Variants in RPS6KA5 observed in about 807,000 individuals in gnomAD.
RPS6KA5 encodes ribosomal protein S6 kinase A5, also known as ribosomal protein S6 kinase alpha-5.
Under a neutral mutation model 85.5 loss-of-function variants are expected in RPS6KA5, and 27 were observed. The ratio of observed to expected loss-of-function variants is 0.32; its 90% CI spans 0.23 to 0.44. The LOEUF is 0.44. Among genes scored for constraint, RPS6KA5 ranks in the 20% least tolerant of loss-of-function variants. The pLI, the probability that RPS6KA5 is intolerant of heterozygous loss-of-function variation, is 1.00. For synonymous variants in RPS6KA5, 334 were observed against 348.2 expected, an observed-to-expected ratio of 0.96 and a Z score of 0.46; for missense variants, 811 against 980.9, an observed-to-expected ratio of 0.83 and a Z score of 2.31.
At position 90,947,607 on chromosome 14, in the gene RPS6KA5, G is replaced by A; in HGVS notation, c.395-57C>T. On this transcript the variant is annotated intron_variant, in intron 3 of 16. Transcript: ENST00000614987. Reference sequence around the variant, plus strand: ...CATGCATTCATAAATGAAAAGCAGTGTTTCCTTTTAATCACTTTGGATTCA... The same window carrying A: ...CATGCATTCATAAATGAAAAGCAGTATTTCCTTTTAATCACTTTGGATTCA... The A allele has an allele frequency of 2.9e-6, 3 of 1,030,832 alleles. 1 individual carries two copies. Among genetic ancestry groups the A allele is most frequent in the Non-Finnish European group, 4.5e-6 (3 of 665,150 alleles). 63.9% of individuals were successfully genotyped at this position (1,030,832 alleles called of 1,614,324 possible).
intron 2 of RPS6KA5, among the ~76,000 whole-genome samples, chr14:90,998,235 A>G (rs560736255): frequency 1.2e-4 from 18 of 152,122 alleles, no homozygotes; most frequent in African/African-American, 4.1e-4. Context: ...ATTAATAGCT[A>G]AAGGGTTCAG....
intron 1 of RPS6KA5, among the ~76,000 whole-genome samples, chr14:91,007,818 T>G (rs2041091926): frequency 6.6e-6 from 1 of 152,190 alleles, no homozygotes; most frequent in Admixed American, 6.5e-5. Flanking sequence ...CCTTCAGATT[T>G]AAATAACTTT....
At chr14:91,039,317 G>C (rs2042517063) in intron 1 of RPS6KA5, among the ~76,000 whole-genome samples, 1 of 152,138 alleles carries the variant, frequency 6.6e-6, no homozygotes, top group Non-Finnish European at 1.5e-5. Flanking sequence ...GATAATAAAT[G>C]TCTTAGCCTG....
intron 1 of RPS6KA5, among the ~76,000 whole-genome samples, chr14:91,020,613 ATT>A (rs1491114000): frequency 4.3e-4 from 9 of 20,702 alleles, no homozygotes; most frequent in African/African-American, 1.5e-3. Context: ...TATATATCCT[ATT>A]GTGTGTGTGT....
intron 3 of RPS6KA5, among the ~76,000 whole-genome samples, chr14:90,953,856 G>A (rs2140394161): frequency 6.6e-6 from 1 of 152,274 alleles, no homozygotes; most frequent in South Asian, 2.1e-4. Context: ...TTTTGTTTAA[G>A]ATGTTTATCA....
chr14:91,054,674 G>A (rs2043236889), intron 1 of RPS6KA5, among the ~76,000 whole-genome samples: 2 of 151,446 alleles, frequency 1.3e-5, no homozygotes, highest in Non-Finnish European at 2.9e-5. Context: ...TTTTAGGCCA[G>A]GCACAGTGGC....
intron 5 of RPS6KA5, among the ~76,000 whole-genome samples, 160 bp downstream of exon 5, chr14:90,942,918 T>C (rs778962269): frequency 3.3e-5 from 5 of 152,230 alleles, no homozygotes; most frequent in Non-Finnish European, 7.3e-5. Context: ...GACGGCTCCA[T>C]ACGAATTTTA....
intron 14 of RPS6KA5, among the ~76,000 whole-genome samples, chr14:90,889,468 A>T (rs752856880): frequency 1.3e-5 from 2 of 152,172 alleles, no homozygotes; most frequent in African/African-American, 2.4e-5. Context: ...ATAGTTGATG[A>T]GAACATAATC....
At chr14:90,888,422 TAAAAA>T (rs756055209) in intron 14 of RPS6KA5, among the ~76,000 whole-genome samples, 3 of 152,156 alleles carry the variant, frequency 2.0e-5, no homozygotes, top group Non-Finnish European at 4.4e-5. Context: ...ATGCTACTAA[TAAAAA>T]TGTCTTCAAT....
intron 12 of RPS6KA5, among the ~76,000 whole-genome samples, chr14:90,895,728 A>T (rs1210899356): frequency 6.6e-6 from 1 of 152,158 alleles, no homozygotes; most frequent in Non-Finnish European, 1.5e-5. Context: ...TCTACAAAAA[A>T]TAATAACAAA....
At chr14:90,971,208 T>A (rs2039303678) in intron 3 of RPS6KA5, among the ~76,000 whole-genome samples, 1 of 151,926 alleles carries the variant, frequency 6.6e-6, no homozygotes, top group South Asian at 2.1e-4. Context: ...ACCCAGCTAC[T>A]CGGGAGGCTG....
At chr14:90,876,858 G>A (rs1426154275) in intron 14 of RPS6KA5, among the ~76,000 whole-genome samples, 3 of 152,208 alleles carry the variant, frequency 2.0e-5, no homozygotes, top group Non-Finnish European at 4.4e-5. Context: ...CGGTGATCTA[G>A]AAACAATATG....
intron 5 of RPS6KA5, among the ~76,000 whole-genome samples, chr14:90,942,182 A>G (rs1263220037): frequency 1.3e-5 from 2 of 152,194 alleles, no homozygotes; most frequent in Non-Finnish European, 2.9e-5. Context: ...TTTAATTTTT[A>G]TAATTTCAGC....
chr14:91,043,755 C>G (rs991834911), intron 1 of RPS6KA5, among the ~76,000 whole-genome samples: 7 of 152,122 alleles, frequency 4.6e-5, no homozygotes, highest in Non-Finnish European at 8.8e-5. Flanking sequence ...ACGCATTTCC[C>G]CTGGTTCACT....
At chr14:90,990,009 A>G (rs1488917583) in intron 2 of RPS6KA5, among the ~76,000 whole-genome samples, 1 of 152,210 alleles carries the variant, frequency 6.6e-6, no homozygotes, top group African/African-American at 2.4e-5. Flanking sequence ...TCAGTGCAAC[A>G]ATTCAGAGAA....
Position 90,865,657 on chromosome 14 carries a change from G to A in RPS6KA5, c.*6417C>T, listed in dbSNP as rs2032773649. On this transcript the variant is annotated 3_prime_UTR_variant, in exon 17 of 17. Transcript: ENST00000614987. ...TATATGTAGTTTTAGTGCTCCATTT[G>A]GACTGGTCTCTGGCCACTGGATGTC... 1 of 152,184 alleles carries A rather than the reference G, an allele frequency of 6.6e-6. No homozygotes were observed. The highest frequency in any genetic ancestry group is 2.4e-5 in the African/African-American group (1 of 41,422). 9.4% of individuals were successfully genotyped at this position (152,184 alleles called of 1,614,324 possible).
chr14:90,884,345 G>C (rs1440252555), intron 14 of RPS6KA5, among the ~76,000 whole-genome samples: 1 of 152,176 alleles, frequency 6.6e-6, no homozygotes, highest in Non-Finnish European at 1.5e-5. Context: ...AACTTTCTGA[G>C]CGCCAACATG....
chr14:91,023,082 TA>T (rs368649949), intron 1 of RPS6KA5, among the ~76,000 whole-genome samples: 253 of 96,460 alleles, frequency 2.6e-3, no homozygotes, highest in African/African-American at 7.5e-3. Flanking sequence ...AAACTCTATC[TA>T]AAAAAAAAAA....
intron 5 of RPS6KA5, 23 bp from the exon 6 acceptor site, chr14:90,923,219 G>A (rs1488020966): frequency 6.4e-7 from 1 of 1,566,264 alleles, no homozygotes; most frequent in Non-Finnish European, 8.8e-7. Flanking sequence ...AACAAAAAAG[G>A]GATTTGATTT....
Sources: gnomAD v4.1 joint callset for allele counts (sites outside exome capture counted in the v4.1 genomes callset) on GRCh38, gnomAD v4.1.1 for gene constraint, MANE v1.5 for transcripts, NCBI Gene and HGNC (gene_info 2026-07-23, HGNC 2026-07-21) for gene names.